Variants in CASC3 observed in about 807,000 individuals in gnomAD.
The protein encoded by CASC3 is protein CASC3.
Under a neutral mutation model 80.5 loss-of-function variants are expected in CASC3, and 30 were observed. That is an observed-to-expected ratio of 0.37 (90% CI 0.28 to 0.51). The LOEUF (loss-of-function observed/expected upper bound fraction) is 0.51, where lower values mean the gene tolerates loss of function less well. CASC3 is among the 20% of genes least tolerant of loss of function. CASC3 has a pLI of 0.94. For synonymous variants in CASC3, 312 were observed against 333.6 expected (o/e 0.94, Z 0.70); for missense variants, 824 against 922.2 (o/e 0.89, Z 1.38).
At chr17:40,150,229 C>G (rs1988965909) in intron 3 of CASC3, among the ~76,000 whole-genome samples, 1 of 151,944 alleles carries the variant, frequency 6.6e-6, no homozygotes, top group South Asian at 2.1e-4. Flanking sequence ...AAAAATCAAC[C>G]TGGCGCAGTG....
intron 12 of CASC3, 56 bp downstream of exon 12, chr17:40,169,502 C>T: frequency 6.3e-7 from 1 of 1,576,408 alleles, no homozygotes; most frequent in African/African-American, 1.4e-5. Context: ...GGCTTTCCTT[C>T]TCCCCAGAGG....
intron 3 of CASC3, among the ~76,000 whole-genome samples, chr17:40,150,109 G>A (rs941997379): frequency 2.6e-5 from 4 of 152,070 alleles, no homozygotes; most frequent in African/African-American, 2.4e-5. Flanking sequence ...GGACAGGCAC[G>A]GTGGCTCACA....
chr17:40,162,395 T>G (rs934219866), intron 5 of CASC3, among the ~76,000 whole-genome samples: 1 of 152,174 alleles, frequency 6.6e-6, no homozygotes, highest in African/African-American at 2.4e-5. Flanking sequence ...TACTTTTGCT[T>G]TTCTTAGTCT....
intron 3 of CASC3, among the ~76,000 whole-genome samples, chr17:40,150,844 C>G (rs1301852252): frequency 2.0e-5 from 3 of 152,108 alleles, no homozygotes; most frequent in Non-Finnish European, 4.4e-5. Flanking sequence ...AACCCCGTCT[C>G]TACTAAAAAT....
chr17:40,164,294 C>CAAAA, intron 7 of CASC3, 128 bp downstream of exon 7: 1 of 857,640 alleles, frequency 1.2e-6, no homozygotes, highest in Non-Finnish European at 1.7e-6. Context: ...GACAGAGTCT[C>CAAAA]ACTCTTTTGC....
chr17:40,156,773 C>A (rs1989157347), intron 3 of CASC3, among the ~76,000 whole-genome samples: 1 of 152,130 alleles, frequency 6.6e-6, no homozygotes, highest in South Asian at 2.1e-4. Context: ...GGTACAGTCA[C>A]TCATGCTTCT....
At chr17:40,164,609 G>T (rs1046527627) in intron 7 of CASC3, among the ~76,000 whole-genome samples, 9 of 151,842 alleles carry the variant, frequency 5.9e-5, no homozygotes, top group Non-Finnish European at 1.3e-4. Flanking sequence ...ACCACGCTGG[G>T]CTAATTTTTG....
At chr17:40,150,183 C>A (rs761216454) in intron 3 of CASC3, among the ~76,000 whole-genome samples, 11 of 152,064 alleles carry the variant, frequency 7.2e-5, no homozygotes, top group Non-Finnish European at 1.3e-4. Flanking sequence ...GAATTTGAGA[C>A]CAATCTGGGC....
chr17:40,166,650 A>G (rs1476784799), intron 7 of CASC3, 147 bp from the exon 8 acceptor site: 3 of 520,578 alleles, frequency 5.8e-6, no homozygotes, highest in Non-Finnish European at 1.0e-5. Flanking sequence ...TGTTGACAGA[A>G]AGCAGAGATA....
chr17:40,147,134 T>G (rs906772905), intron 3 of CASC3, among the ~76,000 whole-genome samples: 1 of 152,090 alleles, frequency 6.6e-6, no homozygotes, highest in African/African-American at 2.4e-5. Context: ...ACTGAAGGCT[T>G]AAATGTGGGG....
In CASC3 at chr17:40,162,777, G is replaced by A; in HGVS notation, c.661G>A (p.Asp221Asn). ...GAAGGATGAGGGTCGCTGGGAGCAT[G>A]ACAAGTTCCGGGAAGATGAGCAGGC... ...LWKDEGRWEH[D>N]KFREDEQAPK... The change falls in exon 6 of 14, where the codon GAC becomes AAC. Residue 221 changes from aspartate to asparagine, a missense_variant. Physicochemically the swap from Asp to Asn is conservative, Grantham distance 23 (BLOSUM62 1). Coordinates refer to ENST00000264645, the MANE Select transcript of CASC3 (RefSeq NM_007359.5). The A allele has an allele frequency of 6.2e-7, 1 of 1,614,154 alleles. No individual in the cohort carries two copies. The highest frequency in any genetic ancestry group is 8.5e-7 in the Non-Finnish European group (1 of 1,180,032).
Position 40,166,025 on chromosome 17 carries a change from C to G in CASC3, c.1472-772C>G, listed in dbSNP as rs1014854014. The stretch of plus-strand genomic sequence containing the variant: ...CTCAAGCAGTCTTACCTCTGCCACC[C>G]AGAGTGCTGGGCTTATAAGCATGAG... On this transcript the variant is annotated intron_variant, in intron 7 of 13. Coordinates refer to ENST00000264645, the MANE Select transcript of CASC3 (RefSeq NM_007359.5). 2.0e-5 allele frequency among the ~76,000 whole-genome samples: 3 copies of G among 152,046 alleles called. No homozygotes were observed. In the East Asian group the frequency reaches 5.8e-4, roughly 29 times the overall value.
chr17:40,151,380 T>C (rs1989003470), intron 3 of CASC3, among the ~76,000 whole-genome samples: 1 of 152,050 alleles, frequency 6.6e-6, no homozygotes, highest in African/African-American at 2.4e-5. Flanking sequence ...CTGCCTAATT[T>C]TTAGTATTTT....
At chr17:40,156,426 C>T (rs1023377139) in intron 3 of CASC3, among the ~76,000 whole-genome samples, 9 of 152,148 alleles carry the variant, frequency 5.9e-5, no homozygotes, top group Admixed American at 1.3e-4. Context: ...GTGGCTCATG[C>T]CTATAATCCC....
intron 3 of CASC3, among the ~76,000 whole-genome samples, chr17:40,153,811 C>T (rs1482093147): frequency 3.3e-5 from 5 of 152,028 alleles, no homozygotes; most frequent in African/African-American, 1.2e-4. Flanking sequence ...CGGTGGCTCA[C>T]GCCTATAATC....
At chr17:40,141,518 C>CA (rs1567674888) in intron 2 of CASC3, 52 bp from the exon 3 acceptor site, 5 of 1,531,182 alleles carry the variant, frequency 3.3e-6, no homozygotes, top group East Asian at 4.5e-5. Flanking sequence ...AATAAGCAGC[C>CA]AAAAAATGTT....
chr17:40,161,944 G>A, intron 4 of CASC3, 33 bp downstream of exon 4: 1 of 1,613,110 alleles, frequency 6.2e-7, no homozygotes, highest in Non-Finnish European at 8.5e-7. Context: ...CATTTTAGAG[G>A]CTGGAATAGA....
intron 3 of CASC3, among the ~76,000 whole-genome samples, chr17:40,157,960 T>G (rs1989194584): frequency 6.6e-6 from 1 of 152,220 alleles, no homozygotes; most frequent in African/African-American, 2.4e-5. Flanking sequence ...TCATCATCTT[T>G]GCATTGAGTA....
chr17:40,155,245 A>G (rs1165878445), intron 3 of CASC3, among the ~76,000 whole-genome samples: 2 of 150,120 alleles, frequency 1.3e-5, no homozygotes, highest in Non-Finnish European at 3.0e-5. Flanking sequence ...TTTATACGTA[A>G]GGTTTTATTT....
Sources: gnomAD v4.1 joint callset for allele counts (sites outside exome capture counted in the v4.1 genomes callset) on GRCh38, gnomAD v4.1.1 for gene constraint, MANE v1.5 for transcripts, NCBI Gene and HGNC (gene_info 2026-07-23, HGNC 2026-07-21) for gene names.